Variants in RBFOX1 observed in about 807,000 individuals in gnomAD.
RBFOX1 encodes RNA binding protein fox-1 homolog 1.
Under a neutral mutation model 57.7 loss-of-function variants are expected in RBFOX1, and 8 were observed. The ratio of observed to expected loss-of-function variants is 0.14; its 90% CI spans 0.08 to 0.25. RBFOX1 has a LOEUF of 0.25. Among genes scored for constraint, RBFOX1 ranks in the 10% least tolerant of loss-of-function variants. RBFOX1 has a pLI of 1.00. For synonymous variants in RBFOX1, 326 were observed against 222.4 expected (o/e 1.47, Z -4.15); for missense variants, 611 against 548.5 (o/e 1.11, Z -1.14).
chr16:6,941,718 G>T (rs2078551197), intron 3 of RBFOX1, among the ~76,000 whole-genome samples: 1 of 152,184 alleles, frequency 6.6e-6, no homozygotes, highest in Non-Finnish European at 1.5e-5. Context: ...GACAGAGAGA[G>T]ATTGGATTTG....
chr16:6,670,725 C>T (rs935301697), intron 3 of RBFOX1, among the ~76,000 whole-genome samples: 5 of 152,024 alleles, frequency 3.3e-5, no homozygotes, highest in Admixed American at 6.6e-5. Flanking sequence ...TGGCCGGGCA[C>T]GGTGGTTCAC....
chr16:7,084,355 T>C (rs36101681), intron 4 of RBFOX1, among the ~76,000 whole-genome samples: 1 of 151,960 alleles, frequency 6.6e-6, no homozygotes, highest in African/African-American at 2.4e-5. Context: ...AAGAAAAAAA[T>C]GTGGATAGAA....
intron 5 of RBFOX1, among the ~76,000 whole-genome samples, chr16:7,540,157 G>A (rs1287437633): frequency 1.3e-5 from 2 of 152,182 alleles, no homozygotes; most frequent in African/African-American, 4.8e-5. Context: ...GGCTCACTCT[G>A]CTACTTTAGA....
intron 2 of RBFOX1, among the ~76,000 whole-genome samples, chr16:5,518,447 A>C (rs1597376340): frequency 6.6e-6 from 1 of 152,164 alleles, no homozygotes; most frequent in South Asian, 2.1e-4. Flanking sequence ...AGATTTTACT[A>C]CTTGGCAACA....
At position 6,607,666 on chromosome 16, in the gene RBFOX1, C is replaced by G. The variant is rs537090604; in HGVS notation, c.-63-46937C>G. Among the ~76,000 whole-genome samples the G allele has an allele frequency of 3.9e-5, 6 of 152,064 alleles. No individual in the cohort carries two copies. In the East Asian group the frequency reaches 7.8e-4, roughly 20 times the overall value. ...TCTCTCTTTCTGTCTTCTTCCCTCT[C>G]TGTATTATGTCTGCCTATGTGGGCA... On this transcript the variant is annotated intron_variant, in intron 2 of 15. Transcript: ENST00000550418.
chr16:6,363,065 C>T (rs898398516), intron 2 of RBFOX1, among the ~76,000 whole-genome samples: 2 of 152,146 alleles, frequency 1.3e-5, no homozygotes, highest in Non-Finnish European at 2.9e-5. Context: ...TGATCTAATG[C>T]AAACTTGAAA....
At chr16:5,601,169 A>G (rs570599391), downstream of RBFOX1, 1 of 152,324 alleles carries the variant, frequency 6.6e-6, no homozygotes, top group South Asian at 2.1e-4. Context: ...ATTATCTCAC[A>G]GTTTCTGTGG....
Position 6,245,314 on chromosome 16 carries a change from A to G in RBFOX1, c.-126-71681A>G, listed in dbSNP as rs150398494. Among the ~76,000 whole-genome samples, 39 of 152,186 alleles carry G rather than the reference A, an allele frequency of 2.6e-4. No homozygotes were observed. The East Asian group carries it at 6.8e-3, about 26-fold the overall frequency. On this transcript the variant is annotated intron_variant, in intron 1 of 15. Transcript: ENST00000550418. ...GCTTTAATGAAATCTGGCCCTGAATACCTTGCCAAATACGTTTTCCTTGAG... is the reference window on the plus strand; with the variant it reads ...GCTTTAATGAAATCTGGCCCTGAATGCCTTGCCAAATACGTTTTCCTTGAG...
intron 2 of RBFOX1, among the ~76,000 whole-genome samples, chr16:6,602,284 T>C (rs1435003911): frequency 6.6e-6 from 1 of 152,208 alleles, no homozygotes; most frequent in Non-Finnish European, 1.5e-5. Flanking sequence ...TTTTCACTCT[T>C]TTAATAGTGT....
intron 4 of RBFOX1, among the ~76,000 whole-genome samples, chr16:7,138,611 C>T (rs2072721805): frequency 6.6e-6 from 1 of 152,172 alleles, no homozygotes; most frequent in Admixed American, 6.5e-5. Flanking sequence ...TGTAACCCCC[C>T]ATTATGCAAA....
chr16:7,521,075 G>T (rs777252361), intron 5 of RBFOX1, among the ~76,000 whole-genome samples: 2 of 141,562 alleles, frequency 1.4e-5, no homozygotes, highest in Non-Finnish European at 3.1e-5. Context: ...AATTAAAAAA[G>T]AACAGAGGTG....
At chr16:6,636,830 A>G in intron 2 of RBFOX1, among the ~76,000 whole-genome samples, 1 of 36,710 alleles carries the variant, frequency 2.7e-5, no homozygotes, top group South Asian at 1.5e-3. Flanking sequence ...AATATATGTT[A>G]TATATAATAT....
At chr16:6,030,986 A>G (rs961952732) in intron 1 of RBFOX1, among the ~76,000 whole-genome samples, 4 of 152,174 alleles carry the variant, frequency 2.6e-5, no homozygotes, top group Non-Finnish European at 5.9e-5. Flanking sequence ...TGCTGTAGTG[A>G]GAGAGACTGA....
chr16:7,338,507 G>A (rs931007161), intron 4 of RBFOX1, among the ~76,000 whole-genome samples: 5 of 152,112 alleles, frequency 3.3e-5, no homozygotes, highest in African/African-American at 1.2e-4. Context: ...GTAATCCTCA[G>A]CCTCCTGAGT....
intron 3 of RBFOX1, among the ~76,000 whole-genome samples, chr16:6,765,564 A>G (rs1603617731): frequency 6.6e-6 from 1 of 152,334 alleles, no homozygotes; most frequent in Middle Eastern, 3.4e-3. Flanking sequence ...GTAAATGAGT[A>G]CAACCTCTAT....
intron 11 of RBFOX1, among the ~76,000 whole-genome samples, chr16:7,651,156 C>G (rs1301640952): frequency 6.6e-6 from 1 of 152,178 alleles, no homozygotes; most frequent in Non-Finnish European, 1.5e-5. Flanking sequence ...TCGTATTTTA[C>G]CCGCATTGTG....
In RBFOX1 at chr16:7,136,164, C is replaced by T. The variant is rs968484107; in HGVS notation, c.27+84066C>T. On this transcript the variant is annotated intron_variant, in intron 4 of 15. Transcript: ENST00000550418. ...CAGTAAATGGAAAGACCTCAAGATT[C>T]GGGAGAGTTTGGCATTTCCAAGGAA... is the stretch of plus-strand genomic sequence containing the variant. Among the ~76,000 whole-genome samples the T allele has an allele frequency of 5.3e-5, 8 of 152,162 alleles. No individual in the cohort carries two copies. In the South Asian group the frequency reaches 6.2e-4, roughly 12 times the overall value.
intron 4 of RBFOX1, among the ~76,000 whole-genome samples, chr16:7,179,444 G>A (rs530321247): frequency 6.6e-6 from 1 of 152,118 alleles, no homozygotes; most frequent in South Asian, 2.1e-4. Context: ...AATTTGTCTG[G>A]CCTCCTCTTG....
chr16:6,395,460 T>C (rs1401024357), intron 2 of RBFOX1, among the ~76,000 whole-genome samples: 2 of 152,202 alleles, frequency 1.3e-5, no homozygotes, highest in Non-Finnish European at 2.9e-5. Flanking sequence ...CTTTCTACCT[T>C]GTGACTATTG....
Sources: allele counts gnomAD v4.1 joint callset (sites outside exome capture counted in the v4.1 genomes callset), GRCh38; gene constraint gnomAD v4.1.1; transcripts MANE v1.5; gene names NCBI Gene and HGNC (gene_info 2026-07-23, HGNC 2026-07-21).